CENPA: variants seen among roughly 807,000 people sequenced by gnomAD.
CENPA encodes centromere protein A.
In CENPA, 7 loss-of-function variants were observed where a neutral mutation model predicts 17.2. The ratio of observed to expected loss-of-function variants is 0.41; its 90% confidence interval spans 0.23 to 0.76. The LOEUF (loss-of-function observed/expected upper bound fraction) is 0.76, where lower values mean the gene tolerates loss of function less well. CENPA is among the 30% of genes least tolerant of loss of function. CENPA has a pLI of 0.34. For missense variants in CENPA, 149 were observed against 193.1 expected (o/e 0.77, Z 1.35); for synonymous variants, 82 against 77.4 (o/e 1.06, Z -0.31).
At chr2:26,787,057 T>A (rs1664520421) in intron 1 of CENPA, among the ~76,000 whole-genome samples, 1 of 152,196 alleles carries the variant, frequency 6.6e-6, no homozygotes, top group Admixed American at 6.5e-5. Flanking sequence ...ATGGGAAGTG[T>A]ATTGTAGTTT....
At chr2:26,786,361 C>T (rs928047931) in intron 1 of CENPA, 65 bp downstream of exon 1, 43 of 1,281,726 alleles carry the variant, frequency 3.4e-5, no homozygotes, top group Non-Finnish European at 4.2e-5. Context: ...GCCCGGATCT[C>T]CCGAGTCCCG....
rs1664676551 is a variant in CENPA at position 26,794,360 on chromosome 2, T to C, written c.*596T>C. ...ATGTGTAGCTTTTCAGAAACTTAAT[T>C]GGGGATGAATAGAAAACCTGTAAGC... is the stretch of plus-strand genomic sequence containing the variant. On this transcript the variant is annotated 3_prime_UTR_variant, in exon 5 of 5. Coordinates refer to ENST00000335756, the MANE Select transcript of CENPA (RefSeq NM_001809.4). 6.6e-6 allele frequency: 1 copy of C among 152,220 alleles called. No homozygotes were observed. Among genetic ancestry groups the C allele is most frequent in the Non-Finnish European group, 1.5e-5 (1 of 68,044 alleles). The allele number at this position is 152,220 out of a possible 1,614,324, so 9.4% of individuals were successfully genotyped here.
chr2:26,793,440 C>A, intron 4 of CENPA, 114 bp downstream of exon 4: 1 of 814,590 alleles, frequency 1.2e-6, no homozygotes, highest in Non-Finnish European at 1.9e-6. Context: ...AAAGGTTGAT[C>A]TAGTTTTGAC....
chr2:26,791,431 G>A (rs1264707061), intron 1 of CENPA, among the ~76,000 whole-genome samples: 1 of 152,132 alleles, frequency 6.6e-6, no homozygotes, highest in Non-Finnish European at 1.5e-5. Flanking sequence ...TCCTACTTTT[G>A]GGAATGTTTT....
intron 1 of CENPA, among the ~76,000 whole-genome samples, chr2:26,789,298 C>T (rs1335267165): frequency 6.6e-6 from 1 of 152,046 alleles, no homozygotes; most frequent in African/African-American, 2.4e-5. Flanking sequence ...CGCAGTGGGC[C>T]TCTTTCTCCT....
chr2:26,793,216 T>C lies in CENPA; in HGVS notation c.360T>C (p.Thr120=). Residue 120 remains threonine, a synonymous_variant, in exon 4 of 5, where the codon ACT becomes ACC. Transcript: ENST00000335756. ...YLLTLHAGRV[T]LFPKDVQLAR... Reference sequence around the variant, plus strand: ...TCACCTTACATGCAGGCCGAGTTACTCTCTTCCCAAAGGATGTGCAACTGG... The same window carrying C: ...TCACCTTACATGCAGGCCGAGTTACCCTCTTCCCAAAGGATGTGCAACTGG... 1 of 1,614,144 alleles carries C rather than the reference T, an allele frequency of 6.2e-7. No individual in the cohort carries two copies. Among genetic ancestry groups the C allele is most frequent in the African/African-American group, 1.3e-5 (1 of 75,014 alleles).
chr2:26,793,085 C>CA (rs1572642552), intron 3 of CENPA, 60 bp from the exon 4 acceptor site: 171 of 1,586,368 alleles, frequency 1.1e-4, no homozygotes, highest in Non-Finnish European at 1.2e-4. Flanking sequence ...AGCAGGTTTC[C>CA]AAAAAAAAGC....
chr2:26,790,389 C>T (rs924832653), intron 1 of CENPA, among the ~76,000 whole-genome samples: 2 of 152,086 alleles, frequency 1.3e-5, no homozygotes, highest in African/African-American at 2.4e-5. Context: ...TACAGTGGTG[C>T]GAGCTTGGCT....
chr2:26,788,182 ACT>A (rs1664546977), intron 1 of CENPA, among the ~76,000 whole-genome samples: 1 of 151,998 alleles, frequency 6.6e-6, no homozygotes, highest in South Asian at 2.1e-4. Context: ...ACAGAGTCTC[ACT>A]CTTGTCATCC....
chr2:26,786,908 G>C (rs1259420990), intron 1 of CENPA, among the ~76,000 whole-genome samples: 1 of 152,278 alleles, frequency 6.6e-6, no homozygotes, highest in East Asian at 1.9e-4. Context: ...AAAAGGGGCC[G>C]AAGTCTGTGT....
chr2:26,792,521 G>C (rs1664639247), intron 2 of CENPA: 1 of 713,502 alleles, frequency 1.4e-6, no homozygotes, highest in Admixed American at 2.0e-5. Context: ...CCTATCCTGG[G>C]AGATTGCCTC....
At chr2:26,793,011 C>G (rs1476896922) in intron 3 of CENPA, 134 bp from the exon 4 acceptor site, 1 of 1,351,078 alleles carries the variant, frequency 7.4e-7, no homozygotes, top group Non-Finnish European at 1.0e-6. Flanking sequence ...AATTCCCTGG[C>G]AAAGTTCAGT....
intron 1 of CENPA, among the ~76,000 whole-genome samples, chr2:26,788,973 C>T (rs1664567706): frequency 6.6e-6 from 1 of 152,224 alleles, no homozygotes; most frequent in Non-Finnish European, 1.5e-5. Flanking sequence ...CTGCGCCTGG[C>T]CGTATTTACG....
intron 1 of CENPA, among the ~76,000 whole-genome samples, chr2:26,791,176 C>T (rs531279750): frequency 2.6e-4 from 39 of 152,292 alleles, no homozygotes; most frequent in African/African-American, 8.9e-4. Flanking sequence ...CTTAATTTGA[C>T]TGCTTGGCTC....
At chr2:26,792,320 T>C (rs761484514) in intron 2 of CENPA, 80 bp downstream of exon 2, 51 of 1,083,214 alleles carry the variant, frequency 4.7e-5, no homozygotes, top group Non-Finnish European at 6.3e-5. Flanking sequence ...GACCCTACTG[T>C]CTCTTAACTA....
intron 1 of CENPA, among the ~76,000 whole-genome samples, chr2:26,786,665 TGA>T (rs1664513605): frequency 6.6e-6 from 1 of 152,288 alleles, no homozygotes; most frequent in East Asian, 1.9e-4. Flanking sequence ...CCAGAGAGCT[TGA>T]GCAGAGTCAC....
Position 26,794,280 on chromosome 2 carries a change from A to C in CENPA, c.*516A>C, listed in dbSNP as rs1664674954. The C allele has an allele frequency of 6.6e-6, 1 of 152,268 alleles. No homozygotes were observed. Among genetic ancestry groups the C allele is most frequent in the South Asian group, 2.1e-4 (1 of 4,834 alleles). The allele number at this position is 152,268 out of a possible 1,614,324, so 9.4% of individuals were successfully genotyped here. On this transcript the variant is annotated 3_prime_UTR_variant, in exon 5 of 5. Transcript: ENST00000335756. ...CATATAGACCTCTGCCCTTCAGAGT[A>C]GCCTCACCATTAGTGGCAGCATCAT...
intron 1 of CENPA, among the ~76,000 whole-genome samples, chr2:26,786,778 G>T (rs1164088553): frequency 6.6e-6 from 1 of 152,202 alleles, no homozygotes; most frequent in Non-Finnish European, 1.5e-5. Context: ...ATTTCAAACA[G>T]GAGTCCTCTT....
At chr2:26,787,768 A>AT (rs1664539445) in intron 1 of CENPA, among the ~76,000 whole-genome samples, 2 of 151,746 alleles carry the variant, frequency 1.3e-5, no homozygotes, top group South Asian at 4.2e-4. Flanking sequence ...TGCGAATGGG[A>AT]TTTTTTTTCT....
Sources: allele counts gnomAD v4.1 joint callset (sites outside exome capture counted in the v4.1 genomes callset), GRCh38; gene constraint gnomAD v4.1.1; transcripts MANE v1.5; gene names NCBI Gene and HGNC (gene_info 2026-07-23, HGNC 2026-07-21).